Variants in CCDC102B observed in about 807,000 individuals in gnomAD.
CCDC102B encodes coiled-coil domain-containing protein 102B.
CCDC102B carries 75 observed loss-of-function variants against 57.4 expected under a neutral mutation model. That is an observed-to-expected ratio of 1.31 (90% CI 1.08 to 1.58). CCDC102B has a LOEUF of 1.58. Ranked by LOEUF, CCDC102B falls within the 40% of genes most tolerant of loss-of-function variation. CCDC102B has a pLI of 0.00. For missense variants in CCDC102B, 636 were observed against 582.6 expected (o/e 1.09, Z -0.94); for synonymous variants, 206 against 201.9 (o/e 1.02, Z -0.17).
At chr18:69,052,570 T>C (rs1448073329) in intron 7 of CCDC102B, among the ~76,000 whole-genome samples, 1 of 151,948 alleles carries the variant, frequency 6.6e-6, no homozygotes, top group Non-Finnish European at 1.5e-5. Context: ...GAAAAGATCA[T>C]CATTAGGTAA....
At chr18:68,942,075 A>G (rs2145170479) in intron 6 of CCDC102B, among the ~76,000 whole-genome samples, 1 of 152,272 alleles carries the variant, frequency 6.6e-6, no homozygotes, top group South Asian at 2.1e-4. Flanking sequence ...TAATGGAATA[A>G]ATTTTATAGG....
At chr18:68,963,492 C>T (rs1026517725) in intron 6 of CCDC102B, among the ~76,000 whole-genome samples, 1 of 151,836 alleles carries the variant, frequency 6.6e-6, no homozygotes, top group Admixed American at 6.6e-5. Flanking sequence ...TTAACATATA[C>T]TTACAGGTGT....
intron 6 of CCDC102B, among the ~76,000 whole-genome samples, chr18:68,912,405 A>G (rs1470741086): frequency 1.3e-5 from 2 of 152,248 alleles, no homozygotes; most frequent in Non-Finnish European, 2.9e-5. Flanking sequence ...CTCAAAATGT[A>G]GTATCTAAAC....
intron 6 of CCDC102B, among the ~76,000 whole-genome samples, chr18:68,963,610 A>G (rs933120203): frequency 2.0e-5 from 3 of 151,762 alleles, no homozygotes; most frequent in Admixed American, 6.6e-5. Flanking sequence ...TGTTTTCTAT[A>G]TTGGGATAAT....
At chr18:68,960,526 G>C (rs899677228) in intron 6 of CCDC102B, among the ~76,000 whole-genome samples, 1 of 152,126 alleles carries the variant, frequency 6.6e-6, no homozygotes, top group African/African-American at 2.4e-5. Flanking sequence ...GGCGTTTCAC[G>C]GAGTGGTGTG....
chr18:68,958,009 C>G (rs998195511), intron 6 of CCDC102B, among the ~76,000 whole-genome samples: 1 of 152,144 alleles, frequency 6.6e-6, no homozygotes, highest in South Asian at 2.1e-4. Flanking sequence ...TACAGTTCCA[C>G]GTGGCTGGGG....
rs567718724 is a variant in CCDC102B at position 68,911,684 on chromosome 18, G to A, written c.1263+14256G>A. The stretch of plus-strand genomic sequence containing the variant: ...GGAGAATGGCGTGAACCCGGGAGGC[G>A]GAGCTTGCAGTGAGCCGAGATCGCG... On this transcript the variant is annotated intron_variant, in intron 6 of 7. Coordinates refer to ENST00000360242, the MANE Select transcript of CCDC102B (RefSeq NM_024781.3). Among the ~76,000 whole-genome samples, 815 of 136,888 alleles carry A rather than the reference G, an allele frequency of 6.0e-3. 8 individuals carry two copies. Among genetic ancestry groups the A allele is most frequent in the Non-Finnish European group, 9.1e-3 (592 of 65,106 alleles). The allele number at this position is 136,888 out of a possible 152,430, so 89.8% of individuals were successfully genotyped here.
At chr18:68,957,632 T>G (rs1197967594) in intron 6 of CCDC102B, among the ~76,000 whole-genome samples, 1 of 151,784 alleles carries the variant, frequency 6.6e-6, no homozygotes, top group Non-Finnish European at 1.5e-5. Context: ...TTTAGAATTA[T>G]GTTTTATATT....
At position 68,836,939 on chromosome 18, in the gene CCDC102B, C is replaced by T. The variant is rs200610500; in HGVS notation, c.176C>T (p.Ala59Val). 2 of 1,614,036 alleles carry T rather than the reference C, an allele frequency of 1.2e-6. No individual in the cohort carries two copies. Among genetic ancestry groups the T allele is most frequent in the African/African-American group, 2.7e-5 (2 of 74,912 alleles). The change falls in exon 2 of 8, where the codon GCT becomes GTT. Residue 59 changes from alanine to valine, a missense_variant. Ala to Val is a moderately conservative substitution (Grantham distance 64). Transcript: ENST00000360242. The part of the protein sequence containing the change: ...LQSHAAHNFC[A>V]HSYNTNKWDI... ...TCTCATGCTGCTCACAATTTCTGTG[C>T]TCACTCATATAACACCAACAAATGG...
chr18:68,953,550 T>G (rs1418292003), intron 6 of CCDC102B, among the ~76,000 whole-genome samples: 3 of 75,780 alleles, frequency 4.0e-5, no homozygotes, highest in East Asian at 5.5e-4. Flanking sequence ...TTAGTAGCGG[T>G]TTTTTTTTCA....
At chr18:68,934,952 G>A (rs1373355979) in intron 6 of CCDC102B, among the ~76,000 whole-genome samples, 4 of 151,924 alleles carry the variant, frequency 2.6e-5, no homozygotes, top group Non-Finnish European at 5.9e-5. Context: ...TGAATATCTG[G>A]CTACATTTGA....
chr18:69,056,081 A>T (rs1452192920), downstream of CCDC102B, among the ~76,000 whole-genome samples: 6 of 151,880 alleles, frequency 4.0e-5, no homozygotes, highest in Non-Finnish European at 7.4e-5. Context: ...TGTAATGGAG[A>T]TTATTATTAT....
At chr18:68,950,199 T>G (rs915749252) in intron 6 of CCDC102B, among the ~76,000 whole-genome samples, 3 of 152,130 alleles carry the variant, frequency 2.0e-5, no homozygotes, top group Non-Finnish European at 2.9e-5. Context: ...TATTTTTATC[T>G]GATGTAAATA....
At chr18:68,970,959 T>A (rs1177889398) in intron 6 of CCDC102B, among the ~76,000 whole-genome samples, 1 of 151,970 alleles carries the variant, frequency 6.6e-6, no homozygotes, top group African/African-American at 2.4e-5. Flanking sequence ...ATGTATATAT[T>A]ATATATATGC....
At chr18:68,987,348 T>G (rs755670023) in intron 6 of CCDC102B, among the ~76,000 whole-genome samples, 2 of 152,128 alleles carry the variant, frequency 1.3e-5, no homozygotes, top group Non-Finnish European at 2.9e-5. Context: ...TAAATGATGC[T>G]TGGATAACTG....
At chr18:68,761,731 T>C (rs2034259906) in intron 2 of CCDC102B, among the ~76,000 whole-genome samples, 1 of 152,134 alleles carries the variant, frequency 6.6e-6, no homozygotes, top group Non-Finnish European at 1.5e-5. Flanking sequence ...GTTTTAAAAG[T>C]TTAACCCTTA....
At chr18:68,829,125 A>T (rs897303263) in intron 1 of CCDC102B, among the ~76,000 whole-genome samples, 2 of 145,316 alleles carry the variant, frequency 1.4e-5, no homozygotes, top group Non-Finnish European at 3.0e-5. Flanking sequence ...CTTTTAAAAA[A>T]TTTTTTGTTG....
At chr18:68,740,753 G>T (rs1348952535) in intron 2 of CCDC102B, among the ~76,000 whole-genome samples, 1 of 151,940 alleles carries the variant, frequency 6.6e-6, no homozygotes, top group African/African-American at 2.4e-5. Flanking sequence ...ACTAACCTAG[G>T]CCCCATTTTA....
chr18:68,975,580 A>G (rs1480314923), intron 6 of CCDC102B, among the ~76,000 whole-genome samples: 6 of 151,986 alleles, frequency 3.9e-5, no homozygotes, highest in Non-Finnish European at 8.8e-5. Flanking sequence ...GGGCATTAAT[A>G]AATCATAAGT....
Sources: allele counts gnomAD v4.1 joint callset (sites outside exome capture counted in the v4.1 genomes callset), GRCh38; gene constraint gnomAD v4.1.1; transcripts MANE v1.5; gene names NCBI Gene and HGNC (gene_info 2026-07-23, HGNC 2026-07-21).